The following ZNF141 variants were observed in gnomAD, a reference collection of about 807,000 sequenced individuals.
ZNF141 encodes the protein zinc finger protein 141 (clone pHZ-44).
ZNF141 carries 7 observed loss-of-function variants against 11.3 expected under a neutral mutation model. The observed-to-expected ratio is 0.62, with a 90% CI of 0.35 to 1.16. The LOEUF (loss-of-function observed/expected upper bound fraction) is 1.16, where lower values mean the gene tolerates loss of function less well. Among genes scored for constraint, ZNF141 ranks in the 50% most tolerant of loss-of-function variants. ZNF141 has a pLI of 0.02. For missense variants in ZNF141, 535 were observed against 554.0 expected (o/e 0.97, Z 0.34); for synonymous variants, 183 against 190.7 (o/e 0.96, Z 0.33).
rs551187128 is a variant in ZNF141 at position 378,784 on chromosome 4, A to C, written c.*4922A>C. ...CCAAGTCCTTGGTCACCTTCTCTGG[A>C]AAAAAATTTGAAGATTATGGCAGCT... On this transcript the variant is annotated 3_prime_UTR_variant, in exon 4 of 4. Transcript: ENST00000240499. Among the ~76,000 whole-genome samples the C allele has an allele frequency of 6.6e-6, 1 of 151,624 alleles. No homozygotes were observed. The highest frequency in any genetic ancestry group is 1.9e-4 in the East Asian group (1 of 5,160).
In ZNF141 at chr4:353,873, CTT is replaced by C. The variant is rs200613885; in HGVS notation, c.226+9444_226+9445del. 7.4e-3 allele frequency among the ~76,000 whole-genome samples: 1,123 copies of C among 152,288 alleles called. 10 individuals are homozygous for C. In the Middle Eastern group the frequency reaches 0.075, roughly 10 times the overall value. On this transcript the variant is annotated intron_variant, in intron 3 of 3. Transcript: ENST00000240499. ...AGGGAAGGACTTCTGAGGGCAGACT[CTT>C]CTCTCCACCTGCTGCTACAATGTGA... is the stretch of plus-strand genomic sequence containing the variant.
intron 1 of ZNF141, chr4:338,365 CAG>C (rs1266946942): frequency 8.8e-5 from 20 of 228,352 alleles, no homozygotes; most frequent in Non-Finnish European, 1.8e-4. Flanking sequence ...CCCATCAAAA[CAG>C]AGTTCATGTG....
chr4:380,885 CAT>C lies in ZNF141; in HGVS notation c.*7028_*7029del, dbSNP rs1410928713. 2.4e-4 allele frequency among the ~76,000 whole-genome samples: 36 copies of C among 152,182 alleles called. No homozygotes were observed. Among genetic ancestry groups the C allele is most frequent in the East Asian group, 7.7e-4 (4 of 5,162 alleles). Reference sequence around the variant, plus strand: ...TTTAACAAAAATTGTTAAATGTTGTCATATATGTGTGTGCAAAACGTATAAAA... The same window carrying C: ...TTTAACAAAAATTGTTAAATGTTGTCATATGTGTGTGCAAAACGTATAAAA... On this transcript the variant is annotated 3_prime_UTR_variant, in exon 4 of 4. Coordinates refer to ENST00000240499, the MANE Select transcript of ZNF141 (RefSeq NM_003441.4).
intron 3 of ZNF141, among the ~76,000 whole-genome samples, chr4:348,137 C>T (rs1332084881): frequency 6.6e-6 from 1 of 152,158 alleles, no homozygotes; most frequent in East Asian, 1.9e-4. Flanking sequence ...AGCCACCACA[C>T]CCAGCTGGAT....
intron 1 of ZNF141, chr4:343,060 A>G (rs182338955): frequency 3.2e-5 from 21 of 659,452 alleles, no homozygotes; most frequent in Middle Eastern, 4.3e-4. Context: ...TGCATGATTA[A>G]AAAAGTATTT....
intron 3 of ZNF141, among the ~76,000 whole-genome samples, chr4:363,584 G>A (rs940820950): frequency 6.6e-6 from 1 of 152,012 alleles, no homozygotes; most frequent in Non-Finnish European, 1.5e-5. Flanking sequence ...GTGAAACCTC[G>A]TCTGTACTAA....
At chr4:357,872 A>C (rs11721823) in intron 3 of ZNF141, among the ~76,000 whole-genome samples, 35,501 of 150,630 alleles carry the variant, frequency 0.24, 4,178 homozygotes, top group Middle Eastern at 0.25. Context: ...CGCCCGACTA[A>C]TTTTTTCTTT....
chr4:377,382 G>T lies in ZNF141; in HGVS notation c.*3520G>T, dbSNP rs1712421494. Among the ~76,000 whole-genome samples, 1 of 152,226 alleles carries T rather than the reference G, an allele frequency of 6.6e-6. No individual in the cohort carries two copies. The highest frequency in any genetic ancestry group is 2.4e-5 in the African/African-American group (1 of 41,452). The stretch of plus-strand genomic sequence containing the variant: ...CGAACAAATGGCATTAATTGTGCAT[G>T]TGGAGAGGACGTCTGTTCTCAGGCT... On this transcript the variant is annotated 3_prime_UTR_variant, in exon 4 of 4. Transcript: ENST00000240499.
At chr4:372,584 T>G (rs1047016827) in intron 3 of ZNF141, 80 bp from the exon 4 acceptor site, 69 of 1,254,594 alleles carry the variant, frequency 5.5e-5, no homozygotes, top group Non-Finnish European at 6.3e-5. Flanking sequence ...TAATGTATTT[T>G]GAATAATTTC....
chr4:351,368 G>A (rs561483903), intron 3 of ZNF141, among the ~76,000 whole-genome samples: 35 of 151,956 alleles, frequency 2.3e-4, no homozygotes, highest in African/African-American at 7.7e-4. Flanking sequence ...CGAGTAGCTG[G>A]GACTACAGGT....
At chr4:364,639 C>T (rs1218765400) in intron 3 of ZNF141, among the ~76,000 whole-genome samples, 2 of 152,102 alleles carry the variant, frequency 1.3e-5, no homozygotes, top group Non-Finnish European at 2.9e-5. Context: ...CTCTCTTTGC[C>T]TGGGTATCAC....
At chr4:364,926 T>G (rs933528961) in intron 3 of ZNF141, among the ~76,000 whole-genome samples, 1 of 152,190 alleles carries the variant, frequency 6.6e-6, no homozygotes, top group Non-Finnish European at 1.5e-5. Flanking sequence ...AGCTATGCCC[T>G]CCCCCCAGAG....
chr4:365,039 T>C (rs1560194354), intron 3 of ZNF141, among the ~76,000 whole-genome samples: 2 of 152,190 alleles, frequency 1.3e-5, no homozygotes, highest in Non-Finnish European at 2.9e-5. Context: ...TCAGCAATGG[T>C]GGACGCTCCT....
Position 384,461 on chromosome 4 carries a change from C to G in ZNF141, c.*10599C>G, listed in dbSNP as rs1161055145. ...TAGCAGGAAGAAATGTGGTTAAGAA[C>G]TTCCTCTTATGCCAGGGTGTTGATC... is the stretch of plus-strand genomic sequence containing the variant. On this transcript the variant is annotated 3_prime_UTR_variant, in exon 4 of 4. Coordinates refer to ENST00000240499, the MANE Select transcript of ZNF141 (RefSeq NM_003441.4). 1 of 152,246 alleles carries G rather than the reference C, an allele frequency of 6.6e-6. No individual in the cohort carries two copies. Among genetic ancestry groups the G allele is most frequent in the African/African-American group, 2.4e-5 (1 of 41,460 alleles). 9.4% of individuals were successfully genotyped at this position (152,246 alleles called of 1,614,324 possible). A position where few individuals can be genotyped will look rare whatever the true frequency, so the allele number is the denominator to read the frequency against.
At chr4:341,397 A>G (rs1157648992) in intron 1 of ZNF141, among the ~76,000 whole-genome samples, 2 of 152,170 alleles carry the variant, frequency 1.3e-5, no homozygotes, top group South Asian at 2.1e-4. Context: ...GTGAATGGCT[A>G]TTCATTGACA....
chr4:339,704 G>C (rs1169098672), intron 1 of ZNF141, among the ~76,000 whole-genome samples: 2 of 152,150 alleles, frequency 1.3e-5, no homozygotes, highest in Non-Finnish European at 2.9e-5. Flanking sequence ...CTGTTAACTA[G>C]GTGATTTGTC....
At position 343,837 on chromosome 4, in the gene ZNF141, G is replaced by T; in HGVS notation, c.59G>T (p.Cys20Phe). 1 of 1,609,924 alleles carries T rather than the reference G, an allele frequency of 6.2e-7. No homozygotes were observed. The highest frequency in any genetic ancestry group is 8.5e-7 in the Non-Finnish European group (1 of 1,178,892). Residue 20 changes from cysteine to phenylalanine, a missense_variant, in exon 2 of 4, where the codon TGC (cysteine) becomes TTC (phenylalanine). Coordinates refer to ENST00000240499, the MANE Select transcript of ZNF141 (RefSeq NM_003441.4). ...GAATTCTCTCCAGAAGAGTGGAAAT[G>T]CCTGGACCCTGACCAGCAGAATTTG... ...AIEFSPEEWK[C>F]LDPDQQNLYR...
chr4:354,736 AT>A (rs1721767991), intron 3 of ZNF141, among the ~76,000 whole-genome samples: 1 of 152,056 alleles, frequency 6.6e-6, no homozygotes, highest in Non-Finnish European at 1.5e-5. Flanking sequence ...ATATATTATG[AT>A]TCTATTTTCA....
intron 1 of ZNF141, among the ~76,000 whole-genome samples, chr4:340,127 A>C (rs1720979043): frequency 1.3e-5 from 2 of 152,198 alleles, no homozygotes; most frequent in African/African-American, 4.8e-5. Flanking sequence ...GTATTTTAGG[A>C]TTGTAGATGA....
Sources: allele counts gnomAD v4.1 joint callset (sites outside exome capture counted in the v4.1 genomes callset), GRCh38; gene constraint gnomAD v4.1.1; transcripts MANE v1.5; gene names NCBI Gene and HGNC (gene_info 2026-07-23, HGNC 2026-07-21).